SOX6: variants seen among roughly 807,000 people sequenced by gnomAD.
SOX6 encodes transcription factor SOX-6.
In SOX6, 11 loss-of-function variants were observed where a neutral mutation model predicts 97.8. That is an observed-to-expected ratio of 0.11 (90% confidence interval 0.07 to 0.19). The LOEUF (loss-of-function observed/expected upper bound fraction) is 0.19, where lower values mean the gene tolerates loss of function less well. SOX6 is among the 10% of genes least tolerant of loss of function. The pLI, the probability that SOX6 is intolerant of heterozygous loss-of-function variation, is 1.00. For synonymous variants in SOX6, 360 were observed against 371.4 expected (o/e 0.97, Z 0.35); for missense variants, 810 against 1,039.5 (o/e 0.78, Z 3.04).
At chr11:16,162,737 A>G (rs1322131703) in intron 6 of SOX6, among the ~76,000 whole-genome samples, 1 of 152,184 alleles carries the variant, frequency 6.6e-6, no homozygotes, top group African/African-American at 2.4e-5. Context: ...ATATCAATTC[A>G]AGAATAGCCT....
At chr11:16,054,942 G>T (rs908700760) in intron 10 of SOX6, among the ~76,000 whole-genome samples, 3 of 152,090 alleles carry the variant, frequency 2.0e-5, no homozygotes, top group Non-Finnish European at 4.4e-5. Flanking sequence ...GTACCTCCTG[G>T]CTGCCCAGTT....
intron 3 of SOX6, among the ~76,000 whole-genome samples, chr11:16,296,784 C>T (rs554933985): frequency 6.6e-6 from 1 of 151,980 alleles, no homozygotes; most frequent in Non-Finnish European, 1.5e-5. Flanking sequence ...TACTTAGGTA[C>T]TCATTCTTCT....
At chr11:16,554,958 C>T (rs1007114372) in intron 4 of SOX6, among the ~76,000 whole-genome samples, 2 of 151,874 alleles carry the variant, frequency 1.3e-5, no homozygotes, top group African/African-American at 4.8e-5. Context: ...TATTTTGATT[C>T]CTCTCTCCAT....
chr11:16,386,044 C>T (rs969591223), intron 1 of SOX6, among the ~76,000 whole-genome samples: 1 of 152,104 alleles, frequency 6.6e-6, no homozygotes, highest in African/African-American at 2.4e-5. Context: ...TCTCAAGCTC[C>T]CCCAGCCTTA....
At chr11:16,644,079 C>A (rs1848970056) in intron 3 of SOX6, among the ~76,000 whole-genome samples, 1 of 152,188 alleles carries the variant, frequency 6.6e-6, no homozygotes, top group South Asian at 2.1e-4. Context: ...CTCATTCTGT[C>A]ACCCAGGCTG....
chr11:16,640,052 T>G (rs1848871015), intron 3 of SOX6, among the ~76,000 whole-genome samples: 1 of 152,232 alleles, frequency 6.6e-6, no homozygotes, highest in Non-Finnish European at 1.5e-5. Flanking sequence ...GGGTTTGTCA[T>G]AAATAGCTCT....
Position 16,364,380 on chromosome 11 carries a change from A to G in SOX6, c.-4-23128T>C, listed in dbSNP as rs1012311268. Among the ~76,000 whole-genome samples the G allele has an allele frequency of 1.5e-4, 23 of 152,252 alleles. 1 individual carries two copies. Among genetic ancestry groups the G allele is most frequent in the Admixed American group, 1.2e-3 (19 of 15,270 alleles). On this transcript the variant is annotated intron_variant, in intron 1 of 15. Transcript: ENST00000396356. ...TTTTCAGGAAAACAGCCTATCTACT[A>G]GCCTAGCTGAAAGGAAATCTTCCTG... is the stretch of plus-strand genomic sequence containing the variant.
chr11:16,557,459 C>A (rs1311608655), intron 4 of SOX6, among the ~76,000 whole-genome samples: 3 of 151,782 alleles, frequency 2.0e-5, no homozygotes, highest in Non-Finnish European at 3.0e-5. Flanking sequence ...AATGTCCTCC[C>A]CGGATAGTCC....
chr11:16,614,321 G>A (rs961446288), intron 3 of SOX6, among the ~76,000 whole-genome samples: 1 of 152,042 alleles, frequency 6.6e-6, no homozygotes. Flanking sequence ...GTAGACAAAG[G>A]GACTCAGGGA....
intron 13 of SOX6, among the ~76,000 whole-genome samples, chr11:16,011,755 G>GGGAA (rs1854734824): frequency 6.6e-6 from 1 of 152,004 alleles, no homozygotes; most frequent in Non-Finnish European, 1.5e-5. Flanking sequence ...TAGACATGGG[G>GGGAA]GGAGGGCATA....
At chr11:16,602,436 T>C (rs1319495403) in intron 4 of SOX6, among the ~76,000 whole-genome samples, 1 of 152,146 alleles carries the variant, frequency 6.6e-6, no homozygotes, top group Non-Finnish European at 1.5e-5. Flanking sequence ...AAACATTTGT[T>C]TTTTGGTTGT....
intron 2 of SOX6, among the ~76,000 whole-genome samples, chr11:16,326,740 A>G (rs1856105456): frequency 6.6e-6 from 1 of 152,188 alleles, no homozygotes; most frequent in Non-Finnish European, 1.5e-5. Context: ...TTAAAACAAA[A>G]CCAATCATTT....
chr11:16,716,507 T>C (rs1848220742), intron 2 of SOX6, among the ~76,000 whole-genome samples: 1 of 152,222 alleles, frequency 6.6e-6, no homozygotes. Context: ...ACAGTTCAAA[T>C]TTTATGGTCT....
At chr11:16,162,714 C>T (rs1488430708) in intron 6 of SOX6, among the ~76,000 whole-genome samples, 3 of 152,114 alleles carry the variant, frequency 2.0e-5, no homozygotes, top group South Asian at 2.1e-4. Flanking sequence ...TACCCAGTCT[C>T]GAGTATTTAT....
At chr11:16,021,427 C>G (rs1005149332) in intron 12 of SOX6, among the ~76,000 whole-genome samples, 2 of 152,092 alleles carry the variant, frequency 1.3e-5, no homozygotes, top group Non-Finnish European at 2.9e-5. Flanking sequence ...CTTTGTTATA[C>G]TTTATTTTAG....
intron 1 of SOX6, among the ~76,000 whole-genome samples, chr11:16,409,940 T>C (rs1858765829): frequency 6.6e-6 from 1 of 152,118 alleles, no homozygotes; most frequent in African/African-American, 2.4e-5. Flanking sequence ...TGTTCTCCCT[T>C]ATATGTGGAA....
At chr11:16,621,613 C>G (rs536476035) in intron 3 of SOX6, among the ~76,000 whole-genome samples, 1 of 152,242 alleles carries the variant, frequency 6.6e-6, no homozygotes, top group South Asian at 2.1e-4. Context: ...AGATACTATG[C>G]TAAACAAGAG....
In SOX6 at chr11:16,605,032, C is replaced by A. The variant is rs1848317890; in HGVS notation, n.609+7049G>T. ...CAAGCCCTTTCCCTTCTCTGCCCGGCCCTTTAAGGGAGAAGGAAGAAAGCA... is the reference window on the plus strand; with the variant it reads ...CAAGCCCTTTCCCTTCTCTGCCCGGACCTTTAAGGGAGAAGGAAGAAAGCA... On this transcript the variant is annotated intron_variant and non_coding_transcript_variant, in intron 4 of 5. Transcript: ENST00000524520. This position sits in a 1 kb window ranked among gnomAD's most constrained non-coding sequence, Gnocchi z 5.3. 6.6e-6 allele frequency among the ~76,000 whole-genome samples: 1 copy of A among 152,098 alleles called. No homozygotes were observed. The highest frequency in any genetic ancestry group is 1.5e-5 in the Non-Finnish European group (1 of 68,018).
chr11:16,505,776 G>A (rs1016140429), intron 4 of SOX6, among the ~76,000 whole-genome samples: 4 of 152,302 alleles, frequency 2.6e-5, no homozygotes, highest in African/African-American at 7.2e-5. Flanking sequence ...AGCTGCCCCA[G>A]CTCCAGCTCC....
Sources: gnomAD v4.1 joint callset for allele counts (sites outside exome capture counted in the v4.1 genomes callset) on GRCh38, gnomAD v4.1.1 for gene constraint, Gnocchi (gnomAD v3.1) non-coding constraint, MANE v1.5 for transcripts, NCBI Gene and HGNC (gene_info 2026-07-23, HGNC 2026-07-21) for gene names.